Variants in CUL2 observed in about 807,000 individuals in gnomAD.
CUL2 encodes cullin-2.
A neutral mutation model predicts 110.2 loss-of-function variants in CUL2; 22 were observed. The observed-to-expected ratio is 0.20, with a 90% CI of 0.14 to 0.28. The LOEUF (loss-of-function observed/expected upper bound fraction) is 0.28. Ranked by LOEUF, CUL2 falls within the 10% of genes least tolerant of loss-of-function variation. CUL2 has a pLI of 1.00. For synonymous variants in CUL2, 279 were observed against 293.2 expected (o/e 0.95, Z 0.49); for missense variants, 631 against 905.5 (o/e 0.70, Z 3.89).
At chr10:35,123,092 G>C (rs770786163) in intron 1 of CUL2, among the ~76,000 whole-genome samples, 11 of 152,136 alleles carry the variant, frequency 7.2e-5, no homozygotes, top group African/African-American at 2.4e-4. Flanking sequence ...GAGCTGTGAC[G>C]GCACCACTGC....
intron 18 of CUL2, among the ~76,000 whole-genome samples, chr10:35,014,838 T>G (rs1007107350): frequency 6.6e-6 from 1 of 151,718 alleles, no homozygotes; most frequent in African/African-American, 2.4e-5. Flanking sequence ...ATCTCAAAAA[T>G]AAATAAACAT....
At chr10:35,011,809 C>CTCTA (rs2084909362) in intron 20 of CUL2, 39 bp downstream of exon 20, 3 of 1,086,648 alleles carry the variant, frequency 2.8e-6, no homozygotes, top group Non-Finnish European at 4.2e-6. Flanking sequence ...TGACAATGCC[C>CTCTA]TCTACCCTAA....
At chr10:35,024,169 C>T (rs1036808047) in intron 17 of CUL2, among the ~76,000 whole-genome samples, 1 of 152,084 alleles carries the variant, frequency 6.6e-6, no homozygotes, top group East Asian at 1.9e-4. Flanking sequence ...TTGACTACCA[C>T]TAAGAGTATC....
intron 2 of CUL2, among the ~76,000 whole-genome samples, chr10:35,066,271 A>G (rs1439513200): frequency 6.6e-6 from 1 of 152,132 alleles, no homozygotes; most frequent in Non-Finnish European, 1.5e-5. Context: ...TAAAAAAAAT[A>G]TATAATAAAA....
At chr10:35,071,712 A>G (rs2086687447) in intron 1 of CUL2, among the ~76,000 whole-genome samples, 1 of 152,100 alleles carries the variant, frequency 6.6e-6, no homozygotes. Flanking sequence ...CCGGCCAGTT[A>G]TTTGTTTTTA....
intron 18 of CUL2, among the ~76,000 whole-genome samples, chr10:35,014,510 C>T (rs1158378047): frequency 2.6e-5 from 4 of 152,182 alleles, no homozygotes; most frequent in Admixed American, 6.6e-5. Context: ...TAATCTAAGA[C>T]ATTCTGCTAA....
At chr10:35,093,316 T>C (rs988119813), upstream of CUL2, among the ~76,000 whole-genome samples, 1 of 151,910 alleles carries the variant, frequency 6.6e-6, no homozygotes, top group African/African-American at 2.4e-5. Flanking sequence ...ATTTTGTCTG[T>C]GCAGTAGCCA....
chr10:35,049,592 C>T lies in CUL2; in HGVS notation c.506+91G>A, dbSNP rs752468137. The T allele has an allele frequency of 3.4e-5, 33 of 977,014 alleles. 1 individual carries two copies. The highest frequency in any genetic ancestry group is 5.1e-5 in the Non-Finnish European group (33 of 651,704). 60.5% of individuals were successfully genotyped at this position (977,014 alleles called of 1,614,324 possible). On this transcript the variant is annotated intron_variant, in intron 6 of 20. Transcript: ENST00000374749. ...CATTACAGTAAAACCAGCCCCAAGGCTAGTCACTGGCTCTGCAATTGTACA... is the reference window on the plus strand; with the variant it reads ...CATTACAGTAAAACCAGCCCCAAGGTTAGTCACTGGCTCTGCAATTGTACA...
intron 4 of CUL2, among the ~76,000 whole-genome samples, chr10:35,060,384 T>C (rs558748511): frequency 2.7e-4 from 41 of 152,094 alleles, no homozygotes; most frequent in Non-Finnish European, 4.9e-4. Flanking sequence ...CATGGGCCAT[T>C]AGGAAACTAC....
intron 4 of CUL2, among the ~76,000 whole-genome samples, chr10:35,057,971 G>A (rs949071940): frequency 2.0e-5 from 3 of 151,990 alleles, no homozygotes; most frequent in Admixed American, 1.3e-4. Context: ...GGTGGCGCGT[G>A]CCAGTAATCC....
chr10:35,050,649 C>T (rs1425524420), intron 5 of CUL2, among the ~76,000 whole-genome samples: 2 of 152,212 alleles, frequency 1.3e-5, no homozygotes, highest in Non-Finnish European at 2.9e-5. Context: ...TGGAAACATA[C>T]AGCCATAGCT....
intron 20 of CUL2, 105 bp from the exon 21 acceptor site, chr10:35,010,547 C>T (rs920325610): frequency 1.5e-4 from 157 of 1,019,202 alleles, no homozygotes; most frequent in Non-Finnish European, 2.0e-4. Context: ...GAGGTTTCAA[C>T]AAATGGGCCA....
intron 2 of CUL2, among the ~76,000 whole-genome samples, chr10:35,070,061 A>G (rs58512444): frequency 0.03 from 4,522 of 152,314 alleles, 222 homozygotes; most frequent in African/African-American, 0.1. Flanking sequence ...TCCATCAATT[A>G]CTACCCGTAT....
Position 35,048,796 on chromosome 10 carries a change from T to C in CUL2, c.506+887A>G, listed in dbSNP as rs535265903. Among the ~76,000 whole-genome samples, 5 of 152,338 alleles carry C rather than the reference T, an allele frequency of 3.3e-5. 1 individual carries two copies. The highest frequency in any genetic ancestry group is 1.2e-4 in the African/African-American group (5 of 41,580). On this transcript the variant is annotated intron_variant, in intron 6 of 20. Transcript: ENST00000374749. ...CCTACTTTCTATTGGGTATCAAAAA[T>C]TTAAAAATATTCTCTTATCTTCTTA...
Position 35,057,668 on chromosome 10 carries a change from A to G in CUL2, c.318-3129T>C, listed in dbSNP as rs182637288. On this transcript the variant is annotated intron_variant, in intron 4 of 20. Coordinates refer to ENST00000374749, the MANE Select transcript of CUL2 (RefSeq NM_003591.4). ...ACTCCGTCTGAAAAAAAAAAAAAAG[A>G]AAAAAAGAAAATAAAGTCACAATTT... Among the ~76,000 whole-genome samples the G allele has an allele frequency of 4.4e-3, 668 of 151,640 alleles. 7 individuals carry two copies. Among genetic ancestry groups the G allele is most frequent in the African/African-American group, 0.015 (618 of 41,366 alleles).
intron 17 of CUL2, among the ~76,000 whole-genome samples, chr10:35,019,850 C>T (rs2085139580): frequency 6.6e-6 from 1 of 152,152 alleles, no homozygotes. Flanking sequence ...TCAGTGGAGG[C>T]TAAAACTACA....
chr10:35,114,463 A>G (rs2087566622), intron 1 of CUL2, among the ~76,000 whole-genome samples: 1 of 151,398 alleles, frequency 6.6e-6, no homozygotes, highest in Non-Finnish European at 1.5e-5. Flanking sequence ...GCTTACTGCA[A>G]CTTCTGCCTC....
At chr10:35,018,181 G>A (rs1330660383) in intron 17 of CUL2, among the ~76,000 whole-genome samples, 1 of 150,682 alleles carries the variant, frequency 6.6e-6, no homozygotes, top group African/African-American at 2.4e-5. Flanking sequence ...CAGCTACTCG[G>A]GAGGCTGAGG....
chr10:35,106,948 C>A (rs1290295668), intron 1 of CUL2, among the ~76,000 whole-genome samples: 1 of 135,882 alleles, frequency 7.4e-6, no homozygotes, highest in Non-Finnish European at 1.7e-5. Flanking sequence ...TTGCCCTTAA[C>A]CTGTTTTTTT....
Sources: gnomAD v4.1 joint callset for allele counts (sites outside exome capture counted in the v4.1 genomes callset) on GRCh38, gnomAD v4.1.1 for gene constraint, MANE v1.5 for transcripts, NCBI Gene and HGNC (gene_info 2026-07-23, HGNC 2026-07-21) for gene names.